The following ZNF804B variants were observed in gnomAD, a reference collection of about 807,000 sequenced individuals.
ZNF804B encodes the protein zinc finger 804B.
Under a neutral mutation model 101.4 loss-of-function variants are expected in ZNF804B, and 80 were observed. The ratio of observed to expected loss-of-function variants is 0.79; its 90% CI spans 0.66 to 0.95. The LOEUF (loss-of-function observed/expected upper bound fraction) is 0.95, where lower values mean the gene tolerates loss of function less well. Ranked by LOEUF, ZNF804B falls within the 40% of genes least tolerant of loss-of-function variation. The pLI is 0.00. For missense variants in ZNF804B, 1,673 were observed against 1,561.9 expected (o/e 1.07, Z -1.20); for synonymous variants, 622 against 558.8 (o/e 1.11, Z -1.59).
At chr7:89,144,060 AT>A (rs1425409834) in intron 1 of ZNF804B, among the ~76,000 whole-genome samples, 2 of 151,980 alleles carry the variant, frequency 1.3e-5, no homozygotes, top group Non-Finnish European at 2.9e-5. Flanking sequence ...AAAAAAGTAG[AT>A]ATTTATTTGT....
Position 89,335,614 on chromosome 7 carries a change from C to T in ZNF804B, c.2632C>T (p.Pro878Ser), listed in dbSNP as rs2116007057. The T allele has an allele frequency of 1.2e-6, 2 of 1,613,896 alleles. No homozygotes were observed. Among genetic ancestry groups the T allele is most frequent in the East Asian group, 2.2e-5 (1 of 44,848 alleles). Residue 878 changes from proline to serine, a missense_variant, in exon 4 of 4, where the codon CCT becomes TCT. Pro to Ser is a moderately conservative substitution (Grantham distance 74). Transcript: ENST00000333190. The part of the protein sequence containing the change: ...SKRNQESLGS[P>S]HICDLGKVRP... Reference sequence around the variant, plus strand: ...GAGAAATCAAGAGTCTTTGGGCAGCCCTCACATTTGTGATCTGGGAAAAGT... The same window carrying T: ...GAGAAATCAAGAGTCTTTGGGCAGCTCTCACATTTGTGATCTGGGAAAAGT...
chr7:89,177,515 G>A (rs772116140), intron 1 of ZNF804B, among the ~76,000 whole-genome samples: 1 of 152,048 alleles, frequency 6.6e-6, no homozygotes, highest in Non-Finnish European at 1.5e-5. Context: ...TTTAATGCTC[G>A]TTTTGTGGCC....
intron 1 of ZNF804B, among the ~76,000 whole-genome samples, chr7:89,069,977 T>C (rs781433882): frequency 5.3e-5 from 8 of 152,180 alleles, no homozygotes; most frequent in Non-Finnish European, 1.2e-4. Context: ...ACCTTATTAT[T>C]AAGTGTATTT....
In ZNF804B at chr7:89,071,274, A is replaced by C. The variant is rs552818646; in HGVS notation, c.109-146881A>C. 2.6e-5 allele frequency among the ~76,000 whole-genome samples: 4 copies of C among 152,280 alleles called. No individual in the cohort carries two copies. The South Asian group carries it at 8.3e-4, about 32-fold the overall frequency. Reference sequence around the variant, plus strand: ...CAAGGGTTGTCTGTATTAAATTGTAAAGACCGACTCAATCAGGAAATTTCA... The same window carrying C: ...CAAGGGTTGTCTGTATTAAATTGTACAGACCGACTCAATCAGGAAATTTCA... On this transcript the variant is annotated intron_variant, in intron 1 of 3. Transcript: ENST00000333190.
intron 1 of ZNF804B, among the ~76,000 whole-genome samples, chr7:88,975,977 C>T (rs1793610492): frequency 6.6e-6 from 1 of 151,522 alleles, no homozygotes. Context: ...GGGGTTCATT[C>T]TTCTGCATAT....
At chr7:88,880,507 T>A (rs1471724457) in intron 1 of ZNF804B, among the ~76,000 whole-genome samples, 1 of 152,234 alleles carries the variant, frequency 6.6e-6, no homozygotes, top group African/African-American at 2.4e-5. Flanking sequence ...TAACAATGTC[T>A]TGTAATTTAA....
intron 2 of ZNF804B, among the ~76,000 whole-genome samples, chr7:89,268,813 A>G (rs1005030708): frequency 6.6e-6 from 1 of 152,030 alleles, no homozygotes; most frequent in Non-Finnish European, 1.5e-5. Context: ...TGGAAGGGAT[A>G]AGCTTTCCTC....
intron 1 of ZNF804B, among the ~76,000 whole-genome samples, chr7:88,802,268 A>T (rs2373394): frequency 0.16 from 24,987 of 152,082 alleles, 2,098 homozygotes; most frequent in African/African-American, 0.21. Flanking sequence ...TAACAGTGCG[A>T]AAGTGAACTA....
At chr7:89,276,393 A>G (rs1305330623) in intron 2 of ZNF804B, among the ~76,000 whole-genome samples, 2 of 151,912 alleles carry the variant, frequency 1.3e-5, no homozygotes, top group African/African-American at 2.4e-5. Flanking sequence ...TGTAGTATAT[A>G]TAAGTTTAGT....
intron 1 of ZNF804B, among the ~76,000 whole-genome samples, chr7:88,908,201 A>T (rs1036960494): frequency 2.0e-5 from 3 of 151,808 alleles, no homozygotes; most frequent in African/African-American, 7.2e-5. Context: ...GATCTTTAAG[A>T]TACATTACAC....
chr7:88,959,047 A>T (rs112007798), intron 1 of ZNF804B, among the ~76,000 whole-genome samples: 11 of 151,500 alleles, frequency 7.3e-5, no homozygotes, highest in African/African-American at 2.7e-4. Context: ...CACCTGCCTC[A>T]TGCATTCAGC....
intron 1 of ZNF804B, among the ~76,000 whole-genome samples, chr7:88,804,832 C>T (rs1329408239): frequency 1.3e-5 from 2 of 152,164 alleles, no homozygotes; most frequent in Admixed American, 1.3e-4. Flanking sequence ...AAGTTTAGAG[C>T]TGGAGGGGAA....
intron 2 of ZNF804B, among the ~76,000 whole-genome samples, chr7:89,234,932 G>A (rs1436842014): frequency 1.3e-5 from 2 of 152,034 alleles, no homozygotes; most frequent in East Asian, 1.9e-4. Flanking sequence ...CCCTGACTCT[G>A]TGAGTTCATT....
chr7:88,878,481 A>G (rs1562820889), intron 1 of ZNF804B, among the ~76,000 whole-genome samples: 1 of 152,186 alleles, frequency 6.6e-6, no homozygotes, highest in African/African-American at 2.4e-5. Context: ...AGATATAATA[A>G]GGGTGTCTGC....
At chr7:88,864,672 C>T (rs1220476436) in intron 1 of ZNF804B, among the ~76,000 whole-genome samples, 2 of 152,152 alleles carry the variant, frequency 1.3e-5, no homozygotes, top group Non-Finnish European at 2.9e-5. Context: ...CACGGGTACC[C>T]TATGGAGAAG....
chr7:89,298,216 G>GTATATA (rs1171165341), intron 2 of ZNF804B, among the ~76,000 whole-genome samples: 586 of 27,456 alleles, frequency 0.021, 30 homozygotes, highest in Non-Finnish European at 0.023. Context: ...GTGTGTGTGT[G>GTATATA]TATATATATA....
At chr7:89,302,335 G>A (rs1001621807) in intron 2 of ZNF804B, among the ~76,000 whole-genome samples, 2 of 151,832 alleles carry the variant, frequency 1.3e-5, no homozygotes, top group Non-Finnish European at 2.9e-5. Context: ...CTCCAACCCT[G>A]TCACAGCTAT....
At chr7:88,867,871 C>T (rs1445315695) in intron 1 of ZNF804B, among the ~76,000 whole-genome samples, 1 of 152,112 alleles carries the variant, frequency 6.6e-6, no homozygotes, top group Non-Finnish European at 1.5e-5. Flanking sequence ...AATTGAGTAA[C>T]TTGTACCAAG....
chr7:89,255,049 A>G (rs1039448526), intron 2 of ZNF804B, among the ~76,000 whole-genome samples: 4 of 152,214 alleles, frequency 2.6e-5, no homozygotes, highest in Non-Finnish European at 5.9e-5. Flanking sequence ...GAGACTGGCT[A>G]CTTTATAAAG....
Sources: allele counts gnomAD v4.1 joint callset (sites outside exome capture counted in the v4.1 genomes callset), GRCh38; gene constraint gnomAD v4.1.1; transcripts MANE v1.5; gene names NCBI Gene and HGNC (gene_info 2026-07-23, HGNC 2026-07-21).